The following DNAJC5B variants were observed in gnomAD, a reference collection of about 807,000 sequenced individuals.
The protein encoded by DNAJC5B is DnaJ heat shock protein family (Hsp40) member C5 beta.
DNAJC5B carries 23 observed loss-of-function variants against 24.7 expected under a neutral mutation model. That is an observed-to-expected ratio of 0.93 (90% CI 0.67 to 1.32). DNAJC5B has a LOEUF of 1.32. DNAJC5B is among the 40% of genes most tolerant of loss of function. The probability of loss-of-function intolerance (pLI) is 0.00; values close to 1 mark genes in which losing one functional copy is unlikely to be tolerated. For missense variants in DNAJC5B, 238 were observed against 240.8 expected, an observed-to-expected ratio of 0.99 and a Z score of 0.08; for synonymous variants, 101 against 90.1, an observed-to-expected ratio of 1.12 and a Z score of -0.68.
At chr8:66,031,904 C>T (rs750113142) in intron 1 of DNAJC5B, among the ~76,000 whole-genome samples, 1 of 152,230 alleles carries the variant, frequency 6.6e-6, no homozygotes, top group Non-Finnish European at 1.5e-5. Context: ...GGGCACTCTG[C>T]AGCCTAGTCA....
intron 5 of DNAJC5B, among the ~76,000 whole-genome samples, chr8:66,087,747 A>T (rs1807758787): frequency 6.6e-6 from 1 of 152,146 alleles, no homozygotes; most frequent in African/African-American, 2.4e-5. Context: ...ATCTCCTTTG[A>T]TTTTATGTCT....
At chr8:66,015,677 T>C in the DNAJC5B span, among the ~76,000 whole-genome samples, 11 of 152,028 alleles carry the variant, frequency 7.2e-5, no homozygotes, top group Admixed American at 7.2e-4. Flanking sequence ...CATAGAGAGG[T>C]ATTATCCTTG....
chr8:66,082,603 G>T (rs1324508809), intron 5 of DNAJC5B, among the ~76,000 whole-genome samples: 3 of 152,100 alleles, frequency 2.0e-5, no homozygotes, highest in Admixed American at 2.0e-4. Context: ...GATCCTGGAT[G>T]AAGTAAACCA....
At position 66,084,676 on chromosome 8, in the gene DNAJC5B, C is replaced by T. The variant is rs79514470; in HGVS notation, c.505+4128C>T. On this transcript the variant is annotated intron_variant, in intron 5 of 5. Coordinates refer to ENST00000276570, the MANE Select transcript of DNAJC5B (RefSeq NM_033105.6). ...ATAGAGTCTAACATAACTCTACAGT[C>T]CACCCTCAGGCACCACTCAAGGATA... Among the ~76,000 whole-genome samples, 194 of 152,220 alleles carry T rather than the reference C, an allele frequency of 1.3e-3. 4 individuals carry two copies. The East Asian group carries it at 0.031, about 25-fold the overall frequency.
intron 5 of DNAJC5B, among the ~76,000 whole-genome samples, chr8:66,083,774 C>T (rs1157420553): frequency 6.6e-6 from 1 of 152,194 alleles, no homozygotes; most frequent in Admixed American, 6.5e-5. Flanking sequence ...ACGTATCCCA[C>T]TAAATTAAAC....
chr8:66,076,235 A>G (rs1285993340), intron 3 of DNAJC5B, among the ~76,000 whole-genome samples: 1 of 152,202 alleles, frequency 6.6e-6, no homozygotes, highest in Non-Finnish European at 1.5e-5. Context: ...AACTTTTAGA[A>G]TATATGTTGT....
chr8:66,041,137 T>C (rs1462607097), intron 1 of DNAJC5B, among the ~76,000 whole-genome samples: 3 of 152,200 alleles, frequency 2.0e-5, no homozygotes, highest in Non-Finnish European at 1.5e-5. Context: ...ATTTATCTCT[T>C]TGAAATTTAC....
At chr8:66,021,040 G>T (rs1016784054), upstream of DNAJC5B, among the ~76,000 whole-genome samples, 1 of 152,116 alleles carries the variant, frequency 6.6e-6, no homozygotes, top group Non-Finnish European at 1.5e-5. Context: ...TCTAGAAATG[G>T]TCTGGTGGCT....
intron 1 of DNAJC5B, among the ~76,000 whole-genome samples, chr8:66,024,248 G>A (rs990322978): frequency 6.6e-6 from 1 of 152,064 alleles, no homozygotes; most frequent in Non-Finnish European, 1.5e-5. Flanking sequence ...TCATGGCATA[G>A]GCTTTACACA....
chr8:66,031,612 A>T (rs1395904092), intron 1 of DNAJC5B, among the ~76,000 whole-genome samples: 2 of 152,214 alleles, frequency 1.3e-5, no homozygotes, highest in Non-Finnish European at 2.9e-5. Context: ...AAGTCCCAGG[A>T]TCTGCACTCA....
chr8:66,034,608 A>C lies in DNAJC5B; in HGVS notation c.-141-8880A>C, dbSNP rs186961825. 3.5e-3 allele frequency among the ~76,000 whole-genome samples: 530 copies of C among 151,920 alleles called. 4 individuals are homozygous for C. The highest frequency in any genetic ancestry group is 5.9e-3 in the Non-Finnish European group (402 of 67,960). On this transcript the variant is annotated intron_variant, in intron 1 of 5. Coordinates refer to ENST00000276570, the MANE Select transcript of DNAJC5B (RefSeq NM_033105.6). Reference sequence around the variant, plus strand: ...GGCAGAAAGGCAAAGCTGGAGTTTCAGATTTGAGAGGTGGAGGGCATCCAA... The same window carrying C: ...GGCAGAAAGGCAAAGCTGGAGTTTCCGATTTGAGAGGTGGAGGGCATCCAA...
intron 3 of DNAJC5B, among the ~76,000 whole-genome samples, chr8:66,069,179 T>C (rs1025639629): frequency 6.6e-6 from 1 of 151,870 alleles, no homozygotes; most frequent in African/African-American, 2.4e-5. Context: ...GAGTATATTT[T>C]AGAAGGGACA....
chr8:66,037,447 G>A (rs1169716967), intron 1 of DNAJC5B, among the ~76,000 whole-genome samples: 2 of 152,138 alleles, frequency 1.3e-5, no homozygotes, highest in African/African-American at 2.4e-5. Flanking sequence ...CCACGTGGGA[G>A]AGGTGCCTTG....
At chr8:66,022,549 A>T (rs1156580362) in intron 1 of DNAJC5B, among the ~76,000 whole-genome samples, 1 of 152,186 alleles carries the variant, frequency 6.6e-6, no homozygotes, top group Non-Finnish European at 1.5e-5. Context: ...CCATGTTCTG[A>T]CAGGTAGGTC....
chr8:66,076,731 TCAA>T lies in DNAJC5B; in HGVS notation c.196_198del (p.Asn66del). On this transcript the variant is annotated inframe_deletion, in exon 4 of 6. Transcript: ENST00000276570. ...GCTGCTACTGAGAAGTTTAAAGAAA[TCAA>T]CAACGCCCACGCAATACTTACCGAC... 6.2e-7 allele frequency: 1 copy of T among 1,614,060 alleles called. No individual in the cohort carries two copies. The highest frequency in any genetic ancestry group is 8.5e-7 in the Non-Finnish European group (1 of 1,180,008).
intron 5 of DNAJC5B, among the ~76,000 whole-genome samples, chr8:66,081,123 C>A (rs1288141360): frequency 2.0e-5 from 3 of 152,154 alleles, no homozygotes; most frequent in Admixed American, 6.5e-5. Flanking sequence ...TGCTAACCCA[C>A]CTCCGTGTGT....
intron 3 of DNAJC5B, among the ~76,000 whole-genome samples, chr8:66,055,517 T>C (rs1806942533): frequency 6.6e-6 from 1 of 152,196 alleles, no homozygotes; most frequent in South Asian, 2.1e-4. Context: ...TAATCTTTCA[T>C]TTGATTAAAA....
chr8:66,092,957 C>T (rs1314608590), intron 5 of DNAJC5B, among the ~76,000 whole-genome samples: 1 of 152,096 alleles, frequency 6.6e-6, no homozygotes, highest in Non-Finnish European at 1.5e-5. Flanking sequence ...TTTTTCAACC[C>T]ATGTCTGCTT....
chr8:66,040,953 GTTC>G (rs1806595078), intron 1 of DNAJC5B, among the ~76,000 whole-genome samples: 1 of 151,998 alleles, frequency 6.6e-6, no homozygotes. Context: ...TAACCAGTTT[GTTC>G]TTCTGAAGAA....
Sources: gnomAD v4.1 joint callset for allele counts (sites outside exome capture counted in the v4.1 genomes callset) on GRCh38, gnomAD v4.1.1 for gene constraint, MANE v1.5 for transcripts, NCBI Gene and HGNC (gene_info 2026-07-23, HGNC 2026-07-21) for gene names.